BBLN: variants seen among roughly 807,000 people sequenced by gnomAD.
BBLN encodes the protein bublin coiled-coil protein.
In BBLN, 6 loss-of-function variants were observed where a neutral mutation model predicts 7.6. That is an observed-to-expected ratio of 0.79 (90% CI 0.43 to 1.55). BBLN has a LOEUF of 1.55. BBLN is among the 40% of genes most tolerant of loss of function. The pLI is 0.01. For synonymous variants in BBLN, 35 were observed against 46.7 expected (o/e 0.75, Z 1.02); for missense variants, 100 against 111.1 (o/e 0.90, Z 0.45).
At position 128,163,567 on chromosome 9, in the gene BBLN, G is replaced by A. The variant is rs1829276956; in HGVS notation, c.204G>A (p.Leu68=). ...ELLESNRQTR[L]EFQQQLGEAP... ...TGGAGTCCAACCGGCAGACACGCCTGGAGTTCCAGCAGCAGCTCGGGGAGG... is the reference window on the plus strand; with the variant it reads ...TGGAGTCCAACCGGCAGACACGCCTAGAGTTCCAGCAGCAGCTCGGGGAGG... The change falls in exon 2 of 2, where the codon CTG becomes CTA. Residue 68 remains leucine, a synonymous_variant. Transcript: ENST00000372994. The surrounding 1 kb of genome is among the most constrained non-coding windows in gnomAD (Gnocchi z 5.7). 1 of 1,603,552 alleles carries A rather than the reference G, an allele frequency of 6.2e-7. No individual in the cohort carries two copies. The highest frequency in any genetic ancestry group is 1.1e-5 in the South Asian group (1 of 89,774).
Position 128,160,498 on chromosome 9 carries a change from GGGC to G in BBLN, c.79+13_79+15del. The stretch of plus-strand genomic sequence containing the variant: ...CTTCGGGGAAGCAGGTGACCCGAGG[GGGC>G]TGCTGGAGCAACCTTGCATTTTCAG... On this transcript the variant is annotated intron_variant, in intron 1 of 1. Transcript: ENST00000372994. The G allele has an allele frequency of 7.8e-7, 1 of 1,282,178 alleles. No homozygotes were observed. The highest frequency in any genetic ancestry group is 9.9e-7 in the Non-Finnish European group (1 of 1,005,206). 79.4% of individuals were successfully genotyped at this position (1,282,178 alleles called of 1,614,324 possible). A position where few individuals can be genotyped will look rare whatever the true frequency, so the allele number is the denominator to read the frequency against.
rs1400104389 is a variant in BBLN, at chr9:128,160,306, C to G, written c.-102C>G. On this transcript the variant is annotated 5_prime_UTR_variant, in exon 1 of 2. Coordinates refer to ENST00000372994, the MANE Select transcript of BBLN (RefSeq NM_024112.4). ...GCTGCCGCGTTCTACCCTTCCGGCC[C>G]GTGTTCTATCCGCCGCCTCCACCTT... The G allele has an allele frequency of 1.0e-5, 6 of 593,328 alleles. No individual in the cohort carries two copies. The highest frequency in any genetic ancestry group is 4.4e-5 in the Admixed American group (1 of 22,924). 36.8% of individuals were successfully genotyped at this position (593,328 alleles called of 1,614,324 possible). A position where few individuals can be genotyped will look rare whatever the true frequency, so the allele number is the denominator to read the frequency against.
chr9:128,161,663 C>G lies in BBLN; in HGVS notation c.79+1177C>G, dbSNP rs56307289. On this transcript the variant is annotated intron_variant, in intron 1 of 1. Transcript: ENST00000372994. ...CTGAGCTTTTTTTTTTTTTTTGAGT[C>G]GGAGTCTTGCTCTGTTGCCCAGGCT... 6.1e-5 allele frequency among the ~76,000 whole-genome samples: 9 copies of G among 147,234 alleles called. No individual in the cohort carries two copies. The East Asian group carries it at 1.2e-3, about 19-fold the overall frequency.
At position 128,163,404 on chromosome 9, in the gene BBLN, GAC is replaced by G; in HGVS notation, c.80-35_80-34del. ...GGAGGGTGTCCATTAGCCCCAAGGAGACACAGGATCTGGGCTCTGTCTTTCGC... is the reference window on the plus strand; with the variant it reads ...GGAGGGTGTCCATTAGCCCCAAGGAGACAGGATCTGGGCTCTGTCTTTCGC... On this transcript the variant is annotated intron_variant, in intron 1 of 1. Transcript: ENST00000372994. The surrounding 1 kb of genome is among the most constrained non-coding windows in gnomAD (Gnocchi z 5.7). 6.7e-7 allele frequency: 1 copy of G among 1,485,282 alleles called. No individual in the cohort carries two copies. The allele number at this position is 1,485,282 out of a possible 1,614,324, so 92.0% of individuals were successfully genotyped here. A position where few individuals can be genotyped will look rare whatever the true frequency, so the allele number is the denominator to read the frequency against.
Position 128,163,313 on chromosome 9 carries a change from T to C in BBLN, c.80-130T>C. The C allele has an allele frequency of 1.3e-6, 1 of 753,656 alleles. No homozygotes were observed. Among genetic ancestry groups the C allele is most frequent in the Non-Finnish European group, 2.0e-6 (1 of 493,712 alleles). The allele number at this position is 753,656 out of a possible 1,614,324, so 46.7% of individuals were successfully genotyped here. ...CCACCCATTTTCCAGACGGTGACAC[T>C]GAGGCTCAGGAAGCAGTAGGGACTT... On this transcript the variant is annotated intron_variant, in intron 1 of 1. Coordinates refer to ENST00000372994, the MANE Select transcript of BBLN (RefSeq NM_024112.4). This position sits in a 1 kb window ranked among gnomAD's most constrained non-coding sequence, Gnocchi z 5.7.
chr9:128,161,287 AC>A (rs151155067), intron 1 of BBLN, among the ~76,000 whole-genome samples: 3,264 of 143,682 alleles, frequency 0.023, 52 homozygotes, highest in Non-Finnish European at 0.036. Context: ...CCCATACTGT[AC>A]AGTTCAGTAG....
intron 1 of BBLN, among the ~76,000 whole-genome samples, chr9:128,161,123 CA>C (rs1178777844): frequency 6.9e-6 from 1 of 144,590 alleles, no homozygotes; most frequent in African/African-American, 2.6e-5. Flanking sequence ...TTCTAGCATG[CA>C]AGAGTTCAGT....
At chr9:128,162,613 C>G (rs1038138265) in intron 1 of BBLN, 2 of 152,322 alleles carry the variant, frequency 1.3e-5, no homozygotes, top group Admixed American at 1.3e-4. Context: ...TTCATTCATT[C>G]ACTCACTCAG....
chr9:128,160,633 C>T, intron 1 of BBLN, 147 bp downstream of exon 1: 1 of 636,712 alleles, frequency 1.6e-6, no homozygotes, highest in East Asian at 3.3e-5. Flanking sequence ...GTCTCGGATG[C>T]AGGGCGAGCA....
intron 1 of BBLN, among the ~76,000 whole-genome samples, chr9:128,161,422 G>A (rs1278336290): frequency 1.3e-5 from 2 of 152,230 alleles, no homozygotes; most frequent in Admixed American, 6.5e-5. Context: ...GATGTTGGCA[G>A]ACAGGACTTA....
chr9:128,162,311 T>C, intron 1 of BBLN: 1 of 152,584 alleles, frequency 6.6e-6, no homozygotes, highest in Non-Finnish European at 1.5e-5. Flanking sequence ...ACCGGCTGCT[T>C]CCCCCTTGGT....
intron 1 of BBLN, among the ~76,000 whole-genome samples, chr9:128,161,688 T>A (rs1385198461): frequency 1.3e-5 from 2 of 151,878 alleles, no homozygotes; most frequent in African/African-American, 4.9e-5. Context: ...TTGCCCAGGC[T>A]GGAGTACAGT....
intron 1 of BBLN, among the ~76,000 whole-genome samples, chr9:128,161,196 G>A (rs553790271): frequency 9.9e-5 from 15 of 152,200 alleles, no homozygotes; most frequent in African/African-American, 3.4e-4. Context: ...CATACACTGA[G>A]GATTTAGTAA....
rs370967531 is a variant in BBLN at position 128,163,402 on chromosome 9, G to T, written c.80-41G>T. The T allele has an allele frequency of 3.4e-6, 5 of 1,480,302 alleles. No individual in the cohort carries two copies. The highest frequency in any genetic ancestry group is 3.6e-6 in the Non-Finnish European group (4 of 1,108,494). 91.7% of individuals were successfully genotyped at this position (1,480,302 alleles called of 1,614,324 possible). On this transcript the variant is annotated intron_variant, in intron 1 of 1. Coordinates refer to ENST00000372994, the MANE Select transcript of BBLN (RefSeq NM_024112.4). This position sits in a 1 kb window ranked among gnomAD's most constrained non-coding sequence, Gnocchi z 5.7. ...AGGGAGGGTGTCCATTAGCCCCAAG[G>T]AGACACAGGATCTGGGCTCTGTCTT...
Position 128,163,375 on chromosome 9 carries a change from G to A in BBLN, c.80-68G>A. On this transcript the variant is annotated intron_variant, in intron 1 of 1. Transcript: ENST00000372994. This position sits in a 1 kb window ranked among gnomAD's most constrained non-coding sequence, Gnocchi z 5.7. ...TTTGGGAAGCAGGCTGGGAAACAGT[G>A]GAGGGAGGGTGTCCATTAGCCCCAA... The A allele has an allele frequency of 7.1e-7, 1 of 1,400,142 alleles. No individual in the cohort carries two copies. The highest frequency in any genetic ancestry group is 9.6e-7 in the Non-Finnish European group (1 of 1,044,812). The allele number at this position is 1,400,142 out of a possible 1,614,324, so 86.7% of individuals were successfully genotyped here.
rs751585836 is a variant in BBLN, at chr9:128,163,586, G to C, written c.223G>C (p.Gly75Arg). 6.3e-7 allele frequency: 1 copy of C among 1,578,056 alleles called. No individual in the cohort carries two copies. Among genetic ancestry groups the C allele is most frequent in the Non-Finnish European group, 8.6e-7 (1 of 1,161,136 alleles). ...ACGCCTGGAGTTCCAGCAGCAGCTCGGGGAGGCCCCCAGTGATGCCAGCCC... is the reference window on the plus strand; with the variant it reads ...ACGCCTGGAGTTCCAGCAGCAGCTCCGGGAGGCCCCCAGTGATGCCAGCCC... ...QTRLEFQQQL[G>R]EAPSDASP The change falls in exon 2 of 2, where the codon GGG becomes CGG. Residue 75 changes from glycine to arginine, a missense_variant. Coordinates refer to ENST00000372994, the MANE Select transcript of BBLN (RefSeq NM_024112.4). This position sits in a 1 kb window ranked among gnomAD's most constrained non-coding sequence, Gnocchi z 5.7.
At position 128,163,477 on chromosome 9, in the gene BBLN, C is replaced by A; in HGVS notation, c.114C>A (p.Ile38=). ...YAAINSMLDQ[I]NSCLDHLEEK... Reference sequence around the variant, plus strand: ...CCATCAACTCCATGCTGGACCAGATCAACTCCTGTCTGGACCACCTGGAGG... The same window carrying A: ...CCATCAACTCCATGCTGGACCAGATAAACTCCTGTCTGGACCACCTGGAGG... The change falls in exon 2 of 2, where the codon ATC becomes ATA. Residue 38 remains isoleucine, a synonymous_variant. Coordinates refer to ENST00000372994, the MANE Select transcript of BBLN (RefSeq NM_024112.4). This position sits in a 1 kb window ranked among gnomAD's most constrained non-coding sequence, Gnocchi z 5.7. 6.2e-7 allele frequency: 1 copy of A among 1,604,594 alleles called. No individual in the cohort carries two copies. Among genetic ancestry groups the A allele is most frequent in the Non-Finnish European group, 8.5e-7 (1 of 1,174,616 alleles).
chr9:128,163,096 G>A lies in BBLN; in HGVS notation c.80-347G>A, dbSNP rs569957715. On this transcript the variant is annotated intron_variant, in intron 1 of 1. Transcript: ENST00000372994. This position sits in a 1 kb window ranked among gnomAD's most constrained non-coding sequence, Gnocchi z 5.7. ...CGAACAGGGCCCATCTGGGGACAGAGGCCTTGAATGCCCAACTCAGGAATG... is the reference window on the plus strand; with the variant it reads ...CGAACAGGGCCCATCTGGGGACAGAAGCCTTGAATGCCCAACTCAGGAATG... 1 of 183,734 alleles carries A rather than the reference G, an allele frequency of 5.4e-6. No homozygotes were observed. Among genetic ancestry groups the A allele is most frequent in the South Asian group, 1.8e-4 (1 of 5,532 alleles). 11.4% of individuals were successfully genotyped at this position (183,734 alleles called of 1,614,324 possible). A position where few individuals can be genotyped will look rare whatever the true frequency, so the allele number is the denominator to read the frequency against.
Position 128,163,723 on chromosome 9 carries a change from A to G in BBLN, c.*108A>G. ...CCTTCTCAAGGGCTGGCCTTCAGGG[A>G]CCCCTGGTGGGTCTGCCTGCCTGGG... On this transcript the variant is annotated 3_prime_UTR_variant, in exon 2 of 2. Coordinates refer to ENST00000372994, the MANE Select transcript of BBLN (RefSeq NM_024112.4). This position sits in a 1 kb window ranked among gnomAD's most constrained non-coding sequence, Gnocchi z 5.7. The G allele has an allele frequency of 8.8e-6, 9 of 1,022,220 alleles. No individual in the cohort carries two copies. The highest frequency in any genetic ancestry group is 1.2e-5 in the Non-Finnish European group (9 of 747,260). 63.3% of individuals were successfully genotyped at this position (1,022,220 alleles called of 1,614,324 possible).
Sources: allele counts gnomAD v4.1 joint callset (sites outside exome capture counted in the v4.1 genomes callset), GRCh38; gene constraint gnomAD v4.1.1; non-coding constraint Gnocchi (gnomAD v3.1); transcripts MANE v1.5; gene names NCBI Gene and HGNC (gene_info 2026-07-23, HGNC 2026-07-21).